The following SLIT2 variants were observed in gnomAD, a reference collection of about 807,000 sequenced individuals.
SLIT2 encodes the protein slit guidance ligand 2, also known as slit homolog 2 protein.
A neutral mutation model predicts 185.7 loss-of-function variants in SLIT2; 41 were observed. That is an observed-to-expected ratio of 0.22 (90% CI 0.17 to 0.29). The LOEUF (loss-of-function observed/expected upper bound fraction) is 0.29. SLIT2 is among the 10% of genes least tolerant of loss of function. The probability of loss-of-function intolerance (pLI) is 1.00; values close to 1 mark genes in which losing one functional copy is unlikely to be tolerated. For missense variants in SLIT2, 1,571 were observed against 1,909.0 expected, an observed-to-expected ratio of 0.82 and a Z score of 3.30; for synonymous variants, 693 against 680.2, an observed-to-expected ratio of 1.02 and a Z score of -0.29.
At chr4:20,488,216 C>T (rs538837652) in intron 7 of SLIT2, among the ~76,000 whole-genome samples, 9 of 152,132 alleles carry the variant, frequency 5.9e-5, no homozygotes, top group African/African-American at 2.2e-4. Context: ...AGTCCCTGCT[C>T]TTTGAGGCTA....
intron 13 of SLIT2, 33 bp downstream of exon 13, chr4:20,523,936 A>G (rs1274627057): frequency 1.2e-6 from 2 of 1,612,918 alleles, no homozygotes; most frequent in African/African-American, 1.3e-5. Context: ...ACTTTTGATG[A>G]CATTGTTTCC....
At chr4:20,589,152 T>G (rs1727300208) in intron 29 of SLIT2, among the ~76,000 whole-genome samples, 1 of 152,132 alleles carries the variant, frequency 6.6e-6, no homozygotes, top group Non-Finnish European at 1.5e-5. Context: ...TAGCCTATGG[T>G]CTTGTCATGA....
intron 4 of SLIT2, among the ~76,000 whole-genome samples, chr4:20,363,504 T>C (rs1240316888): frequency 5.3e-5 from 8 of 152,150 alleles, no homozygotes; most frequent in African/African-American, 1.4e-4. Context: ...TGTTTTCCAT[T>C]GGGCATTCAG....
rs909047583 is a variant in SLIT2, at chr4:20,567,360, C to A, written c.2824C>A (p.Arg942=). 7 of 1,612,930 alleles carry A rather than the reference C, an allele frequency of 4.3e-6. No individual in the cohort carries two copies. In the East Asian group the frequency reaches 8.9e-5, roughly 21 times the overall value. Reference sequence around the variant, plus strand: ...TAATAGTGATCCAGTTGACTTTTACCGATGCACCTGTCCATATGGTTTCAA... The same window carrying A: ...TAATAGTGATCCAGTTGACTTTTACAGATGCACCTGTCCATATGGTTTCAA... The part of the protein sequence containing the change: ...TCNSDPVDFY[R]CTCPYGFKGQ... Residue 942 remains arginine, a synonymous_variant, in exon 27 of 37, where the codon CGA becomes AGA. Transcript: ENST00000504154.
intron 4 of SLIT2, among the ~76,000 whole-genome samples, chr4:20,460,492 C>G (rs1713583403): frequency 6.6e-6 from 1 of 152,132 alleles, no homozygotes; most frequent in South Asian, 2.1e-4. Context: ...AGAACCTAAT[C>G]CACTCTCTTA....
At chr4:20,504,122 T>C (rs1185635920) in intron 9 of SLIT2, among the ~76,000 whole-genome samples, 2 of 152,192 alleles carry the variant, frequency 1.3e-5, no homozygotes, top group Non-Finnish European at 2.9e-5. Context: ...TAGAAAGTAC[T>C]TACTTTACAA....
At chr4:20,446,104 A>G (rs993472034) in intron 4 of SLIT2, among the ~76,000 whole-genome samples, 4 of 152,118 alleles carry the variant, frequency 2.6e-5, no homozygotes, top group Non-Finnish European at 4.4e-5. Flanking sequence ...TTGCCCCCTT[A>G]ACTACGGGTT....
At chr4:20,585,319 T>C (rs1361421946) in intron 29 of SLIT2, among the ~76,000 whole-genome samples, 1 of 152,220 alleles carries the variant, frequency 6.6e-6, no homozygotes, top group Non-Finnish European at 1.5e-5. Flanking sequence ...CTCAGAATGC[T>C]TCAACCTCTT....
chr4:20,421,017 T>C (rs1728132708), intron 4 of SLIT2, among the ~76,000 whole-genome samples: 1 of 152,172 alleles, frequency 6.6e-6, no homozygotes, highest in South Asian at 2.1e-4. Flanking sequence ...TATTTTCTGA[T>C]GGCATCCCTA....
intron 29 of SLIT2, among the ~76,000 whole-genome samples, chr4:20,577,520 T>C (rs1726176922): frequency 1.3e-5 from 2 of 152,258 alleles, no homozygotes; most frequent in South Asian, 2.1e-4. Flanking sequence ...TAATGTATCT[T>C]ACTGGGCATC....
At chr4:20,531,961 T>A in intron 16 of SLIT2, 23 bp from the exon 17 acceptor site, 1 of 1,437,060 alleles carries the variant, frequency 7.0e-7, no homozygotes, top group Non-Finnish European at 9.5e-7. Context: ...ATAAAACTTC[T>A]CTATTCCTTC....
chr4:20,291,104 G>A lies in SLIT2; in HGVS notation c.395+22223G>A, dbSNP rs77337729. ...TAAAAGTAGAGACTGAATTTAGTTC[G>A]ATATGTTTGCCCATTGCCCAGCACA... On this transcript the variant is annotated intron_variant, in intron 4 of 36. Transcript: ENST00000504154. Among the ~76,000 whole-genome samples, 999 of 151,874 alleles carry A rather than the reference G, an allele frequency of 6.6e-3. 17 individuals carry two copies. Among genetic ancestry groups the A allele is most frequent in the African/African-American group, 0.023 (952 of 41,400 alleles).
At chr4:20,422,778 C>G (rs1034556852) in intron 4 of SLIT2, among the ~76,000 whole-genome samples, 1 of 151,916 alleles carries the variant, frequency 6.6e-6, no homozygotes, top group Non-Finnish European at 1.5e-5. Flanking sequence ...TTTTGAGCAG[C>G]AGAAAGGAGG....
intron 4 of SLIT2, among the ~76,000 whole-genome samples, chr4:20,316,913 A>G (rs1269209568): frequency 2.0e-5 from 3 of 151,524 alleles, no homozygotes; most frequent in African/African-American, 7.3e-5. Flanking sequence ...CAAATAATCA[A>G]GCTGGCTGAA....
At chr4:20,597,456 C>CT (rs1261922567) in intron 32 of SLIT2, among the ~76,000 whole-genome samples, 32 of 152,146 alleles carry the variant, frequency 2.1e-4, no homozygotes, top group African/African-American at 7.7e-4. Flanking sequence ...CACCAACTCA[C>CT]TGTATACCTT....
intron 29 of SLIT2, chr4:20,573,281 A>G (rs1471022730): frequency 1.4e-6 from 1 of 702,952 alleles, no homozygotes; most frequent in East Asian, 2.7e-5. Flanking sequence ...TTTTAAGTCT[A>G]TTATGATTTT....
chr4:20,518,098 C>T (rs1482968755), intron 11 of SLIT2, among the ~76,000 whole-genome samples: 1 of 126,912 alleles, frequency 7.9e-6, no homozygotes, highest in African/African-American at 2.7e-5. Context: ...TATATATACA[C>T]ACACATATAT....
chr4:20,296,190 T>G (rs896532691), intron 4 of SLIT2, among the ~76,000 whole-genome samples: 2 of 152,258 alleles, frequency 1.3e-5, no homozygotes, highest in Non-Finnish European at 2.9e-5. Context: ...AGAGACATAT[T>G]AGTTAACTTA....
At chr4:20,549,275 C>T in intron 24 of SLIT2, 147 bp downstream of exon 24, 1 of 560,046 alleles carries the variant, frequency 1.8e-6, no homozygotes, top group Non-Finnish European at 3.2e-6. Flanking sequence ...ATAGAAAAAT[C>T]ATTTCTTACA....
Sources: gnomAD v4.1 joint callset for allele counts (sites outside exome capture counted in the v4.1 genomes callset) on GRCh38, gnomAD v4.1.1 for gene constraint, MANE v1.5 for transcripts, NCBI Gene and HGNC (gene_info 2026-07-23, HGNC 2026-07-21) for gene names.